Variants in KDM2B observed in about 807,000 individuals in gnomAD.
KDM2B encodes lysine demethylase 2B.
In KDM2B, 26 loss-of-function variants were observed where a neutral mutation model predicts 150.0. The observed-to-expected ratio is 0.17, with a 90% CI of 0.13 to 0.24. KDM2B has a LOEUF of 0.24. Among genes scored for constraint, KDM2B ranks in the 10% least tolerant of loss-of-function variants. The probability of loss-of-function intolerance (pLI) is 1.00; values close to 1 mark genes in which losing one functional copy is unlikely to be tolerated. For missense variants in KDM2B, 1,265 were observed against 1,816.9 expected (o/e 0.70, Z 5.52); for synonymous variants, 734 against 729.5 (o/e 1.01, Z -0.10).
At chr12:121,558,455 CT>C (rs62698361) in intron 4 of KDM2B, among the ~76,000 whole-genome samples, 126 of 135,506 alleles carry the variant, frequency 9.3e-4, no homozygotes, top group South Asian at 4.0e-3. Flanking sequence ...TTTTCTTTTT[CT>C]TTTTTTTTTT....
chr12:121,520,881 G>A lies in KDM2B; in HGVS notation c.1047+104C>T, dbSNP rs1426005419. ...AGCTTGAGAGAGGAATCGGGAGGGA[G>A]AGGGGAACTGTGGAGGACTTCAGTA... On this transcript the variant is annotated intron_variant, in intron 9 of 22. Coordinates refer to ENST00000377071, the MANE Select transcript of KDM2B (RefSeq NM_032590.5). The surrounding 1 kb of genome is among the most constrained non-coding windows in gnomAD (Gnocchi z 4.5). The A allele has an allele frequency of 6.5e-6, 5 of 769,748 alleles. No homozygotes were observed. The highest frequency in any genetic ancestry group is 1.1e-5 in the Non-Finnish European group (5 of 458,828). The allele number at this position is 769,748 out of a possible 1,614,324, so 47.7% of individuals were successfully genotyped here.
At chr12:121,581,478 T>G (rs782047169), upstream of KDM2B, among the ~76,000 whole-genome samples, 33 of 152,186 alleles carry the variant, frequency 2.2e-4, 1 homozygote, top group Non-Finnish European at 4.3e-4. Context: ...GGTTGTCTTG[T>G]CCTCCCATCA....
chr12:121,521,000 G>T lies in KDM2B; in HGVS notation c.1032C>A (p.Ile344=). 6.2e-7 allele frequency: 1 copy of T among 1,613,766 alleles called. No homozygotes were observed. The highest frequency in any genetic ancestry group is 8.5e-7 in the Non-Finnish European group (1 of 1,179,812). The change falls in exon 9 of 23, where the codon ATC becomes ATA. Residue 344 remains isoleucine, a synonymous_variant. Coordinates refer to ENST00000377071, the MANE Select transcript of KDM2B (RefSeq NM_032590.5). The surrounding 1 kb of genome is among the most constrained non-coding windows in gnomAD (Gnocchi z 4.5). ...ACCTCCTTACCCGCGTCCTGTCCTC[G>T]ATCTCGTAGATCCGCAGCTGCATGG... is the stretch of plus-strand genomic sequence containing the variant. ...NVPMQLRIYE[I]EDRTRVQPKF... is the part of the protein sequence containing the mutation.
intron 13 of KDM2B, among the ~76,000 whole-genome samples, chr12:121,445,890 T>C (rs927879965): frequency 6.6e-6 from 1 of 152,184 alleles, no homozygotes; most frequent in Non-Finnish European, 1.5e-5. Flanking sequence ...CCAGTGGGTA[T>C]TCAAGGCACA....
At chr12:121,536,193 C>T in intron 6 of KDM2B, 7 of 674,068 alleles carry the variant, frequency 1.0e-5, no homozygotes, top group Non-Finnish European at 1.3e-5. Flanking sequence ...CTCTGGCTGC[C>T]TTTTGCACCT....
At chr12:121,457,063 A>C (rs1045328846) in intron 12 of KDM2B, among the ~76,000 whole-genome samples, 6 of 152,182 alleles carry the variant, frequency 3.9e-5, no homozygotes, top group African/African-American at 1.4e-4. Flanking sequence ...GCCTCCATTA[A>C]AAAGTCCAAC....
chr12:121,509,359 C>T (rs1885376077), intron 11 of KDM2B, among the ~76,000 whole-genome samples: 1 of 151,838 alleles, frequency 6.6e-6, no homozygotes, highest in Non-Finnish European at 1.5e-5. Flanking sequence ...ACCCCACCCA[C>T]CCTCTGCAGC....
chr12:121,470,727 G>C (rs1880687769), intron 12 of KDM2B, among the ~76,000 whole-genome samples: 1 of 152,378 alleles, frequency 6.6e-6, no homozygotes, highest in Non-Finnish European at 1.5e-5. Flanking sequence ...CAGAGACGAG[G>C]AGGATGCCAA....
chr12:121,446,277 A>T (rs1876237060), intron 13 of KDM2B, among the ~76,000 whole-genome samples: 1 of 152,194 alleles, frequency 6.6e-6, no homozygotes, highest in Non-Finnish European at 1.5e-5. Context: ...GGGCGCCTGT[A>T]GTCCCAGCTA....
In KDM2B at chr12:121,509,825, T is replaced by G. The variant is rs1341090737; in HGVS notation, c.1389A>C (p.Ala463=). 6.2e-7 allele frequency: 1 copy of G among 1,614,030 alleles called. No homozygotes were observed. The highest frequency in any genetic ancestry group is 8.5e-7 in the Non-Finnish European group (1 of 1,180,020). The stretch of plus-strand genomic sequence containing the variant: ...TCCTTTTGAGGAATCGCAGGGCAGG[T>G]GCTTTGGGCTTCTTCCCGAGGGCCT... ...DQEALGKKPK[A]PALRFLKRTL... Residue 463 remains alanine, a synonymous_variant, in exon 11 of 23, where the codon GCA becomes GCC. Coordinates refer to ENST00000377071, the MANE Select transcript of KDM2B (RefSeq NM_032590.5).
intron 6 of KDM2B, among the ~76,000 whole-genome samples, chr12:121,536,943 A>G (rs188868432): frequency 2.6e-5 from 4 of 152,280 alleles, no homozygotes; most frequent in African/African-American, 9.6e-5. Flanking sequence ...GCACGTGCAG[A>G]AAAGAATCGC....
chr12:121,546,379 CTTT>C (rs371614406), intron 6 of KDM2B, among the ~76,000 whole-genome samples: 12 of 97,486 alleles, frequency 1.2e-4, no homozygotes, highest in Non-Finnish European at 1.7e-4. Context: ...TTTTTTTTGC[CTTT>C]TTTTTTTTTT....
At chr12:121,474,265 G>A (rs1881095128) in intron 12 of KDM2B, among the ~76,000 whole-genome samples, 1 of 152,190 alleles carries the variant, frequency 6.6e-6, no homozygotes. Flanking sequence ...TGTAATCCCA[G>A]CACTTTGGGA....
chr12:121,570,747 G>A (rs1292870154), intron 4 of KDM2B, among the ~76,000 whole-genome samples: 11 of 152,110 alleles, frequency 7.2e-5, no homozygotes, highest in Admixed American at 7.2e-4. Context: ...CAGCTGCTTT[G>A]GTAAACAGTC....
chr12:121,565,695 G>A (rs1031649767), intron 4 of KDM2B, among the ~76,000 whole-genome samples: 1 of 151,906 alleles, frequency 6.6e-6, no homozygotes, highest in Non-Finnish European at 1.5e-5. Flanking sequence ...CGCAATCTTG[G>A]CTCACTGCAA....
intron 12 of KDM2B, among the ~76,000 whole-genome samples, chr12:121,455,441 G>A (rs1462830409): frequency 6.6e-6 from 1 of 152,268 alleles, no homozygotes; most frequent in African/African-American, 2.4e-5. Context: ...GCCAGGAACG[G>A]TGGCTCACGC....
intron 12 of KDM2B, among the ~76,000 whole-genome samples, chr12:121,472,805 C>A (rs1880906532): frequency 6.6e-6 from 1 of 152,136 alleles, no homozygotes; most frequent in African/African-American, 2.4e-5. Context: ...CTCAGCGAGG[C>A]AAATTGAATG....
At chr12:121,482,580 G>T (rs371714803) in intron 12 of KDM2B, among the ~76,000 whole-genome samples, 1 of 151,990 alleles carries the variant, frequency 6.6e-6, no homozygotes, top group African/African-American at 2.4e-5. Context: ...GATTACAGGC[G>T]TGAGCCACCG....
chr12:121,512,212 A>G (rs936809617), intron 10 of KDM2B, among the ~76,000 whole-genome samples: 1 of 152,010 alleles, frequency 6.6e-6, no homozygotes, highest in Non-Finnish European at 1.5e-5. Flanking sequence ...GGAGCTCCAG[A>G]AGGGCAGGTT....
Sources: allele counts gnomAD v4.1 joint callset (sites outside exome capture counted in the v4.1 genomes callset), GRCh38; gene constraint gnomAD v4.1.1; non-coding constraint Gnocchi (gnomAD v3.1); transcripts MANE v1.5; gene names NCBI Gene and HGNC (gene_info 2026-07-23, HGNC 2026-07-21).